MOB3B: variants seen among roughly 807,000 people sequenced by gnomAD.
MOB3B encodes MOB kinase activator 3B, also known as MOB kinase activator-like 2B.
In MOB3B, 7 loss-of-function variants were observed where a neutral mutation model predicts 18.7. The ratio of observed to expected loss-of-function variants is 0.37; its 90% CI spans 0.21 to 0.70. The LOEUF (loss-of-function observed/expected upper bound fraction) is 0.70. Ranked by LOEUF, MOB3B falls within the 30% of genes least tolerant of loss-of-function variation. The pLI, the probability that MOB3B is intolerant of heterozygous loss-of-function variation, is 0.52. For synonymous variants in MOB3B, 111 were observed against 99.9 expected (o/e 1.11, Z -0.66); for missense variants, 253 against 281.3 (o/e 0.90, Z 0.72).
intron 2 of MOB3B, among the ~76,000 whole-genome samples, chr9:27,401,431 C>A (rs1032535464): frequency 2.0e-5 from 3 of 152,170 alleles, no homozygotes; most frequent in Non-Finnish European, 4.4e-5. Flanking sequence ...CAGTGTCCAC[C>A]CTGGTCCACG....
In MOB3B at chr9:27,326,583, A is replaced by G; in HGVS notation, c.*4004T>C. 2.5e-6 allele frequency: 1 copy of G among 398,526 alleles called. No homozygotes were observed. The highest frequency in any genetic ancestry group is 4.4e-6 in the Non-Finnish European group (1 of 226,038). The allele number at this position is 398,526 out of a possible 1,614,324, so 24.7% of individuals were successfully genotyped here. On this transcript the variant is annotated 3_prime_UTR_variant, in exon 4 of 4. Coordinates refer to ENST00000262244, the MANE Select transcript of MOB3B (RefSeq NM_024761.5). ...GCCCGAAGAACTGTGAGAGGAGTAT[A>G]GATTTTTTCACCAAGGAAGTTACTG... is the stretch of plus-strand genomic sequence containing the variant.
chr9:27,488,063 T>C lies in MOB3B; in HGVS notation c.-198-32315A>G, dbSNP rs578171010. On this transcript the variant is annotated intron_variant, in intron 1 of 3. Transcript: ENST00000262244. ...TGGCTCCCCTTGAGTCAGGTGACCA[T>C]CATGATGATTATTTATCTGCTGTTT... Among the ~76,000 whole-genome samples, 9 of 152,318 alleles carry C rather than the reference T, an allele frequency of 5.9e-5. No individual in the cohort carries two copies. The South Asian group carries it at 6.2e-4, about 11-fold the overall frequency.
intron 3 of MOB3B, among the ~76,000 whole-genome samples, chr9:27,352,375 A>G (rs1331816444): frequency 1.3e-5 from 2 of 151,218 alleles, no homozygotes; most frequent in Admixed American, 1.3e-4. Context: ...CTGTCTCAAA[A>G]AAAAAAAAAA....
At chr9:27,481,982 G>T (rs1335119465) in intron 1 of MOB3B, among the ~76,000 whole-genome samples, 1 of 151,658 alleles carries the variant, frequency 6.6e-6, no homozygotes, top group Non-Finnish European at 1.5e-5. Context: ...ACTGAAAAAA[G>T]GAAATAAAAT....
intron 2 of MOB3B, among the ~76,000 whole-genome samples, chr9:27,367,221 G>A (rs776822652): frequency 3.3e-5 from 5 of 152,210 alleles, no homozygotes; most frequent in Non-Finnish European, 7.3e-5. Flanking sequence ...ACAGACTTGG[G>A]CTTTATAGAG....
chr9:27,519,574 C>G (rs1047286089), intron 1 of MOB3B, among the ~76,000 whole-genome samples: 1 of 152,182 alleles, frequency 6.6e-6, no homozygotes, highest in African/African-American at 2.4e-5. Context: ...CCTTCCCTCA[C>G]AGAACTTATT....
intron 1 of MOB3B, among the ~76,000 whole-genome samples, chr9:27,504,525 A>T (rs1359463723): frequency 6.6e-6 from 1 of 152,216 alleles, no homozygotes; most frequent in Non-Finnish European, 1.5e-5. Flanking sequence ...GTCACTGCAC[A>T]TCTGAGCAGT....
At chr9:27,364,984 T>G (rs115834219) in intron 2 of MOB3B, among the ~76,000 whole-genome samples, 1 of 152,192 alleles carries the variant, frequency 6.6e-6, no homozygotes, top group African/African-American at 2.4e-5. Flanking sequence ...CTCAAACTTA[T>G]GTCTTATATT....
intron 1 of MOB3B, among the ~76,000 whole-genome samples, chr9:27,516,648 C>T (rs950156611): frequency 1.3e-5 from 2 of 152,314 alleles, no homozygotes; most frequent in South Asian, 4.1e-4. Context: ...AACTAATTAT[C>T]CTTATGCCTG....
intron 2 of MOB3B, among the ~76,000 whole-genome samples, chr9:27,413,660 A>G (rs1454664065): frequency 2.6e-5 from 4 of 152,356 alleles, no homozygotes; most frequent in Admixed American, 2.6e-4. Context: ...ACATGATTAC[A>G]GAAATGACAG....
chr9:27,452,405 T>A, intron 2 of MOB3B, among the ~76,000 whole-genome samples: 1 of 151,878 alleles, frequency 6.6e-6, no homozygotes, highest in Non-Finnish European at 1.5e-5. Context: ...GAGAAGTGAG[T>A]GATTACAGAA....
intron 2 of MOB3B, among the ~76,000 whole-genome samples, chr9:27,410,698 C>A (rs1822053321): frequency 2.0e-5 from 3 of 152,114 alleles, no homozygotes; most frequent in African/African-American, 7.2e-5. Context: ...GGACACATAT[C>A]CCCAGAATGG....
chr9:27,472,145 T>G (rs1819481998), intron 1 of MOB3B, among the ~76,000 whole-genome samples: 1 of 152,180 alleles, frequency 6.6e-6, no homozygotes, highest in African/African-American at 2.4e-5. Context: ...AGGGTGTAAA[T>G]TTTTTCATTC....
chr9:27,342,349 T>C (rs984417508), intron 3 of MOB3B, among the ~76,000 whole-genome samples: 3 of 152,210 alleles, frequency 2.0e-5, no homozygotes, highest in African/African-American at 7.2e-5. Flanking sequence ...AGAACAATGA[T>C]GTTACATCAG....
intron 1 of MOB3B, among the ~76,000 whole-genome samples, chr9:27,481,894 A>C (rs2080792651): frequency 6.6e-6 from 1 of 152,140 alleles, no homozygotes; most frequent in African/African-American, 2.4e-5. Flanking sequence ...GTTAACTTTC[A>C]AAAACCTGGG....
chr9:27,335,097 G>A (rs927171437), intron 3 of MOB3B, among the ~76,000 whole-genome samples: 35 of 152,202 alleles, frequency 2.3e-4, no homozygotes, highest in Admixed American at 2.0e-3. Context: ...GAGCCACTGC[G>A]CCTGGCCCAA....
At chr9:27,487,151 A>ATAAATAAG (rs1391981136) in intron 1 of MOB3B, among the ~76,000 whole-genome samples, 15 of 151,144 alleles carry the variant, frequency 9.9e-5, no homozygotes, top group Admixed American at 5.9e-4. Context: ...AAATAAATAA[A>ATAAATAAG]TAAAATAAAT....
chr9:27,440,755 A>G (rs1587216263), intron 2 of MOB3B, among the ~76,000 whole-genome samples: 1 of 151,942 alleles, frequency 6.6e-6, no homozygotes, highest in Admixed American at 6.6e-5. Flanking sequence ...ATCAATTAGC[A>G]TCTTTCCTTT....
intron 3 of MOB3B, among the ~76,000 whole-genome samples, chr9:27,355,814 G>A (rs1042939699): frequency 6.6e-6 from 1 of 152,002 alleles, no homozygotes; most frequent in Non-Finnish European, 1.5e-5. Flanking sequence ...TGCCTGCCTC[G>A]AGAGCATAGA....
Sources: allele counts gnomAD v4.1 joint callset (sites outside exome capture counted in the v4.1 genomes callset), GRCh38; gene constraint gnomAD v4.1.1; transcripts MANE v1.5; gene names NCBI Gene and HGNC (gene_info 2026-07-23, HGNC 2026-07-21).